The following DPP10 variants were observed in gnomAD, a reference collection of about 807,000 sequenced individuals.
DPP10 encodes the protein dipeptidyl peptidase like 10.
In DPP10, 33 loss-of-function variants were observed where a neutral mutation model predicts 120.9. The observed-to-expected ratio is 0.27, with a 90% confidence interval of 0.21 to 0.37. The LOEUF is 0.37. Among genes scored for constraint, DPP10 ranks in the 10% least tolerant of loss-of-function variants. The pLI, the probability that DPP10 is intolerant of heterozygous loss-of-function variation, is 1.00. For missense variants in DPP10, 816 were observed against 942.8 expected, an observed-to-expected ratio of 0.87 and a Z score of 1.76; for synonymous variants, 337 against 326.1, an observed-to-expected ratio of 1.03 and a Z score of -0.36.
At chr2:115,360,589 G>A (rs1465977508) in intron 3 of DPP10, among the ~76,000 whole-genome samples, 1 of 152,096 alleles carries the variant, frequency 6.6e-6, no homozygotes, top group Non-Finnish European at 1.5e-5. Flanking sequence ...GAGTTGGGGG[G>A]AATCAGGGGA....
chr2:115,583,813 G>A (rs1271575652), intron 5 of DPP10, among the ~76,000 whole-genome samples: 2 of 152,198 alleles, frequency 1.3e-5, no homozygotes, highest in African/African-American at 4.8e-5. Flanking sequence ...TCTACTCTAT[G>A]AGGATAAGCA....
chr2:115,504,419 T>G (rs2076842386), intron 4 of DPP10, among the ~76,000 whole-genome samples: 1 of 152,066 alleles, frequency 6.6e-6, no homozygotes, highest in Non-Finnish European at 1.5e-5. Context: ...CATCATCTTT[T>G]GCTTGGGCAT....
chr2:114,876,476 G>C (rs1039944669), intron 1 of DPP10, among the ~76,000 whole-genome samples: 1 of 152,032 alleles, frequency 6.6e-6, no homozygotes, highest in Non-Finnish European at 1.5e-5. Context: ...CTCTGGCCCT[G>C]CCTTTTACTA....
chr2:114,526,177 A>G (rs1685482914), intron 1 of DPP10, among the ~76,000 whole-genome samples: 1 of 152,210 alleles, frequency 6.6e-6, no homozygotes, highest in East Asian at 1.9e-4. Context: ...TGTGCCAGCC[A>G]AGGGGACAGC....
intron 1 of DPP10, among the ~76,000 whole-genome samples, chr2:114,796,770 T>C (rs1203355497): frequency 6.6e-6 from 1 of 152,218 alleles, no homozygotes; most frequent in East Asian, 1.9e-4. Context: ...GTGCAAGTGA[T>C]AGATTCTCTT....
At chr2:115,739,707 A>G (rs1559095462) in intron 8 of DPP10, 32 bp from the exon 9 acceptor site, 1 of 1,609,456 alleles carries the variant, frequency 6.2e-7, no homozygotes, top group Admixed American at 1.7e-5. Context: ...ACATCTCTAC[A>G]GTTGGTCTCA....
intron 3 of DPP10, among the ~76,000 whole-genome samples, chr2:115,455,024 T>C (rs561727511): frequency 6.6e-6 from 1 of 150,836 alleles, no homozygotes; most frequent in Admixed American, 6.6e-5. Flanking sequence ...GTATAATATA[T>C]ATTAATATAG....
intron 1 of DPP10, among the ~76,000 whole-genome samples, chr2:115,267,688 T>C (rs995122443): frequency 4.6e-5 from 7 of 152,136 alleles, no homozygotes; most frequent in Non-Finnish European, 1.0e-4. Flanking sequence ...ATGCAGTTTC[T>C]GTAGCCCCAC....
chr2:115,804,743 G>T (rs574117400), intron 19 of DPP10, among the ~76,000 whole-genome samples: 1 of 152,326 alleles, frequency 6.6e-6, no homozygotes, highest in Admixed American at 6.5e-5. Flanking sequence ...CTGCAGAACA[G>T]TGGATACTGG....
intron 8 of DPP10, among the ~76,000 whole-genome samples, chr2:115,733,590 G>GAAAAAA (rs10584331): frequency 6.9e-6 from 1 of 144,168 alleles, no homozygotes. Flanking sequence ...GCAGAAAATT[G>GAAAAAA]AAAAAAAAAA....
At chr2:115,273,288 A>G (rs866752602) in intron 1 of DPP10, among the ~76,000 whole-genome samples, 12 of 152,148 alleles carry the variant, frequency 7.9e-5, no homozygotes, top group Middle Eastern at 6.8e-3. Flanking sequence ...CTTCATGGCC[A>G]GTTTATCTAT....
chr2:115,114,161 A>T (rs1486860710), intron 1 of DPP10, among the ~76,000 whole-genome samples: 2 of 152,174 alleles, frequency 1.3e-5, no homozygotes, highest in East Asian at 1.9e-4. Context: ...ACTTTCTCAA[A>T]GAACAGTATA....
chr2:114,455,749 T>C (rs546646827), intron 1 of DPP10, among the ~76,000 whole-genome samples: 51 of 145,556 alleles, frequency 3.5e-4, no homozygotes, highest in African/African-American at 1.3e-3. Context: ...TTTTTTACCA[T>C]TTTCATGCTC....
At chr2:115,156,459 A>C (rs1485514395) in intron 1 of DPP10, among the ~76,000 whole-genome samples, 1 of 152,230 alleles carries the variant, frequency 6.6e-6, no homozygotes, top group Non-Finnish European at 1.5e-5. Context: ...TTAAAAACAA[A>C]TTGAACATTG....
At chr2:115,228,538 C>T (rs1239533386) in intron 1 of DPP10, among the ~76,000 whole-genome samples, 3 of 152,068 alleles carry the variant, frequency 2.0e-5, no homozygotes, top group Non-Finnish European at 4.4e-5. Context: ...CATTCCCAGC[C>T]TCTGGTAACC....
At chr2:114,499,521 GGGA>G (rs1682972427) in intron 1 of DPP10, among the ~76,000 whole-genome samples, 1 of 151,682 alleles carries the variant, frequency 6.6e-6, no homozygotes, top group South Asian at 2.1e-4. Flanking sequence ...CTGCTGTTTT[GGGA>G]CTGCGCCATC....
At chr2:115,673,969 T>C (rs1287805597) in intron 5 of DPP10, among the ~76,000 whole-genome samples, 1 of 152,172 alleles carries the variant, frequency 6.6e-6, no homozygotes, top group African/African-American at 2.4e-5. Flanking sequence ...CCCAGCACTT[T>C]GGGAGACCAA....
intron 1 of DPP10, among the ~76,000 whole-genome samples, chr2:114,465,770 A>G (rs994718947): frequency 6.6e-6 from 1 of 152,248 alleles, no homozygotes; most frequent in African/African-American, 2.4e-5. Context: ...TGATACATGT[A>G]TGCAATGTGT....
In DPP10 at chr2:115,744,852, A is replaced by G. The variant is rs536483804; in HGVS notation, c.853-1234A>G. Among the ~76,000 whole-genome samples, 6 of 150,390 alleles carry G rather than the reference A, an allele frequency of 4.0e-5. No individual in the cohort carries two copies. In the South Asian group the frequency reaches 1.0e-3, roughly 26 times the overall value. On this transcript the variant is annotated intron_variant, in intron 9 of 25. Transcript: ENST00000410059. ...TTTAGGTTGTTTATTGGATTTTTTA[A>G]TTCAACTCACATTTAATTTCCTTTT...
Sources: allele counts gnomAD v4.1 joint callset (sites outside exome capture counted in the v4.1 genomes callset), GRCh38; gene constraint gnomAD v4.1.1; transcripts MANE v1.5; gene names NCBI Gene and HGNC (gene_info 2026-07-23, HGNC 2026-07-21).